WWOX: variants seen among roughly 807,000 people sequenced by gnomAD.
WWOX encodes WW domain containing oxidoreductase, also known as WW domain-containing oxidoreductase.
A neutral mutation model predicts 46.2 loss-of-function variants in WWOX; 69 were observed. That is an observed-to-expected ratio of 1.49 (90% CI 1.23 to 1.82). The LOEUF (loss-of-function observed/expected upper bound fraction) is 1.82, where lower values mean the gene tolerates loss of function less well. WWOX is among the 40% of genes most tolerant of loss of function. The pLI is 0.00. For missense variants in WWOX, 919 were observed against 542.6 expected, an observed-to-expected ratio of 1.69 and a Z score of -6.89; for synonymous variants, 359 against 202.6, an observed-to-expected ratio of 1.77 and a Z score of -6.56.
intron 8 of WWOX, among the ~76,000 whole-genome samples, chr16:79,149,322 T>C (rs2050235538): frequency 6.6e-6 from 1 of 152,234 alleles, no homozygotes; most frequent in Non-Finnish European, 1.5e-5. Context: ...AGCTTTTTGA[T>C]ATGGTGGACT....
chr16:78,934,045 C>T lies in WWOX; in HGVS notation c.1057-277563C>T, dbSNP rs113561466. On this transcript the variant is annotated intron_variant, in intron 8 of 8. Transcript: ENST00000566780. ...CGTCTCTCAAAAAAATTTAAAGAAA[C>T]TTAGCCGGGGCCGGGCACGGTGGCT... Among the ~76,000 whole-genome samples, 774 of 152,064 alleles carry T rather than the reference C, an allele frequency of 5.1e-3. 7 individuals carry two copies. The highest frequency in any genetic ancestry group is 0.017 in the African/African-American group (715 of 41,482).
chr16:78,343,708 G>A lies in WWOX; in HGVS notation c.517-43152G>A, dbSNP rs2081052997. 1.7e-5 allele frequency among the ~76,000 whole-genome samples: 2 copies of A among 121,148 alleles called. 1 individual carries two copies. The allele number at this position is 121,148 out of a possible 152,430, so 79.5% of individuals were successfully genotyped here. On this transcript the variant is annotated intron_variant, in intron 5 of 8. Transcript: ENST00000566780. ...TTGTGTATGGATATGCACCCGGCTA[G>A]GGACCTCTTTAATGGTCATTCATTT...
chr16:78,135,693 A>AC (rs2054191455), intron 4 of WWOX, among the ~76,000 whole-genome samples: 1 of 151,534 alleles, frequency 6.6e-6, no homozygotes, highest in African/African-American at 2.4e-5. Context: ...TGAAAAAAAA[A>AC]CAAAACAACA....
At chr16:78,247,540 A>G (rs2151825349) in intron 5 of WWOX, among the ~76,000 whole-genome samples, 1 of 152,284 alleles carries the variant, frequency 6.6e-6, no homozygotes, top group African/African-American at 2.4e-5. Flanking sequence ...AGTTGGACCC[A>G]GATTTCAACT....
chr16:78,944,005 A>T (rs2045902053), intron 8 of WWOX, among the ~76,000 whole-genome samples: 1 of 152,222 alleles, frequency 6.6e-6, no homozygotes, highest in Non-Finnish European at 1.5e-5. Context: ...AAGCTCATCA[A>T]GGAAAGGACG....
At chr16:78,790,159 C>G (rs761580367) in intron 8 of WWOX, among the ~76,000 whole-genome samples, 23 of 151,888 alleles carry the variant, frequency 1.5e-4, no homozygotes, top group Non-Finnish European at 2.9e-4. Context: ...TTTTTTGGGA[C>G]AGGGTCTTGC....
chr16:78,831,738 C>T (rs746025320), intron 8 of WWOX, among the ~76,000 whole-genome samples: 9 of 152,206 alleles, frequency 5.9e-5, no homozygotes, highest in Non-Finnish European at 1.0e-4. Flanking sequence ...AATAAGTACT[C>T]AGTAAATACT....
At chr16:78,401,502 A>T (rs990971915) in intron 6 of WWOX, among the ~76,000 whole-genome samples, 10 of 152,124 alleles carry the variant, frequency 6.6e-5, no homozygotes, top group African/African-American at 2.4e-4. Flanking sequence ...TGTATCTTGT[A>T]ACCTGTATCC....
chr16:78,622,549 A>T (rs1314455623), intron 8 of WWOX, among the ~76,000 whole-genome samples: 1 of 151,796 alleles, frequency 6.6e-6, no homozygotes, highest in Non-Finnish European at 1.5e-5. Context: ...TCTTAAAAAA[A>T]AAAAAAAGTG....
In WWOX at chr16:78,438,049, C is replaced by A. The variant is rs566352473; in HGVS notation, c.1056+5297C>A. 7.4e-4 allele frequency among the ~76,000 whole-genome samples: 113 copies of A among 152,214 alleles called. 1 individual carries two copies. The highest frequency in any genetic ancestry group is 7.3e-3 in the Admixed American group (112 of 15,284). On this transcript the variant is annotated intron_variant, in intron 8 of 8. Transcript: ENST00000566780. ...CACATAAGGGATTTTCAAGGCTAAT[C>A]TTGGGTTTTTGCAGTTGTAACCATG...
chr16:78,656,897 C>G (rs1278572520), intron 8 of WWOX, among the ~76,000 whole-genome samples: 1 of 152,178 alleles, frequency 6.6e-6, no homozygotes, highest in Non-Finnish European at 1.5e-5. Flanking sequence ...CACAGCCGCT[C>G]TGTTTAGGGA....
intron 5 of WWOX, among the ~76,000 whole-genome samples, chr16:78,372,035 A>G (rs933536244): frequency 6.6e-6 from 1 of 152,158 alleles, no homozygotes; most frequent in African/African-American, 2.4e-5. Context: ...TTAGATTTAT[A>G]TTCCACTGGC....
At chr16:79,177,887 A>C (rs2050832692) in intron 8 of WWOX, among the ~76,000 whole-genome samples, 1 of 152,220 alleles carries the variant, frequency 6.6e-6, no homozygotes, top group African/African-American at 2.4e-5. Context: ...GCTTATAAAT[A>C]ACAGAAATGT....
chr16:79,201,046 A>G (rs1270621612), intron 8 of WWOX, among the ~76,000 whole-genome samples: 1 of 152,192 alleles, frequency 6.6e-6, no homozygotes, highest in African/African-American at 2.4e-5. Flanking sequence ...TCCTTCCAAG[A>G]AACACATGAA....
At chr16:79,184,465 G>A (rs1567604198) in intron 8 of WWOX, among the ~76,000 whole-genome samples, 1 of 152,166 alleles carries the variant, frequency 6.6e-6, no homozygotes, top group African/African-American at 2.4e-5. Context: ...GTATGTTTCT[G>A]TTGTCTTTGC....
At chr16:79,032,361 A>G (rs951275426) in intron 8 of WWOX, among the ~76,000 whole-genome samples, 1 of 146,216 alleles carries the variant, frequency 6.8e-6, no homozygotes, top group African/African-American at 2.5e-5. Context: ...AATATATTCT[A>G]TGTAATATAT....
chr16:78,660,804 G>C (rs1053708503), intron 8 of WWOX, among the ~76,000 whole-genome samples: 10 of 152,132 alleles, frequency 6.6e-5, no homozygotes, highest in African/African-American at 2.4e-4. Flanking sequence ...GATATGGATA[G>C]CCTTTTCAAA....
At chr16:78,756,456 A>G (rs893420954) in intron 8 of WWOX, among the ~76,000 whole-genome samples, 3 of 152,192 alleles carry the variant, frequency 2.0e-5, no homozygotes, top group African/African-American at 7.2e-5. Context: ...TTCCAGAAAA[A>G]GATTGATTAG....
At chr16:78,759,418 T>A (rs2049736300) in intron 8 of WWOX, among the ~76,000 whole-genome samples, 1 of 152,200 alleles carries the variant, frequency 6.6e-6, no homozygotes, top group African/African-American at 2.4e-5. Flanking sequence ...TCACTGCTGC[T>A]GAAGCAGTGA....
Sources: gnomAD v4.1 joint callset for allele counts (sites outside exome capture counted in the v4.1 genomes callset) on GRCh38, gnomAD v4.1.1 for gene constraint, MANE v1.5 for transcripts, NCBI Gene and HGNC (gene_info 2026-07-23, HGNC 2026-07-21) for gene names.